The following CYTH3 variants were observed in gnomAD, a reference collection of about 807,000 sequenced individuals.
CYTH3 encodes cytohesin 3.
CYTH3 carries 23 observed loss-of-function variants against 55.1 expected under a neutral mutation model. The observed-to-expected ratio is 0.42, with a 90% confidence interval of 0.30 to 0.59. The LOEUF (loss-of-function observed/expected upper bound fraction) is 0.59, where lower values mean the gene tolerates loss of function less well. Ranked by LOEUF, CYTH3 falls within the 20% of genes least tolerant of loss-of-function variation. The probability of loss-of-function intolerance (pLI) is 0.20; values close to 1 mark genes in which losing one functional copy is unlikely to be tolerated. For synonymous variants in CYTH3, 249 were observed against 194.9 expected (o/e 1.28, Z -2.31); for missense variants, 413 against 524.8 (o/e 0.79, Z 2.08).
chr7:6,165,524 G>A, intron 11 of CYTH3, 21 bp downstream of exon 11: 1 of 1,612,462 alleles, frequency 6.2e-7, no homozygotes, highest in Non-Finnish European at 8.5e-7. Context: ...CAGGAGAGAA[G>A]GTTCAGGAGG....
At chr7:6,186,446 A>C (rs1317855725) in intron 4 of CYTH3, among the ~76,000 whole-genome samples, 1 of 152,128 alleles carries the variant, frequency 6.6e-6, no homozygotes, top group African/African-American at 2.4e-5. Context: ...GGTCTCAAAA[A>C]CAAGCAGCTA....
intron 1 of CYTH3, among the ~76,000 whole-genome samples, chr7:6,228,796 TTAAA>T (rs574453928): frequency 5.9e-5 from 9 of 152,322 alleles, no homozygotes; most frequent in African/African-American, 2.2e-4. Context: ...CCGCCCCTTT[TTAAA>T]TAGATTTCTT....
chr7:6,228,069 C>T (rs527955543), intron 1 of CYTH3, among the ~76,000 whole-genome samples: 1 of 152,298 alleles, frequency 6.6e-6, no homozygotes, highest in African/African-American at 2.4e-5. Flanking sequence ...GAAGCTTTCC[C>T]TTATTTTATG....
intron 1 of CYTH3, among the ~76,000 whole-genome samples, chr7:6,235,252 C>A (rs1185392316): frequency 6.6e-6 from 1 of 152,104 alleles, no homozygotes; most frequent in African/African-American, 2.4e-5. Context: ...AAGGCGAGCA[C>A]ATCATTTGAG....
At chr7:6,197,285 G>A (rs769762378) in intron 1 of CYTH3, among the ~76,000 whole-genome samples, 2 of 152,164 alleles carry the variant, frequency 1.3e-5, no homozygotes, top group South Asian at 2.1e-4. Flanking sequence ...GTGGGACAAA[G>A]ACATGGTGGC....
chr7:6,266,745 C>G (rs1255176320), intron 1 of CYTH3, among the ~76,000 whole-genome samples: 1 of 152,246 alleles, frequency 6.6e-6, no homozygotes, highest in Admixed American at 6.5e-5. Flanking sequence ...CACACTTTCT[C>G]TTCCTCAACC....
At chr7:6,221,587 A>G (rs1265396236) in intron 1 of CYTH3, among the ~76,000 whole-genome samples, 1 of 152,184 alleles carries the variant, frequency 6.6e-6, no homozygotes, top group Non-Finnish European at 1.5e-5. Context: ...TTGATACTGT[A>G]TTGCAGTTAC....
At chr7:6,184,344 G>A (rs1783585284) in intron 4 of CYTH3, among the ~76,000 whole-genome samples, 2 of 150,324 alleles carry the variant, frequency 1.3e-5, no homozygotes, top group Admixed American at 6.6e-5. Context: ...ACAGGCGTGA[G>A]CCACCGCGCC....
At chr7:6,243,022 G>T (rs1205022718) in intron 1 of CYTH3, among the ~76,000 whole-genome samples, 1 of 152,178 alleles carries the variant, frequency 6.6e-6, no homozygotes, top group Non-Finnish European at 1.5e-5. Context: ...TCTCTAGGAG[G>T]TAAAACTTGT....
chr7:6,163,588 T>A lies in CYTH3; in HGVS notation c.*1356A>T, dbSNP rs1195634784. 6.6e-6 allele frequency: 1 copy of A among 152,306 alleles called. No individual in the cohort carries two copies. The highest frequency in any genetic ancestry group is 1.9e-4 in the East Asian group (1 of 5,186). 9.4% of individuals were successfully genotyped at this position (152,306 alleles called of 1,614,324 possible). Reference sequence around the variant, plus strand: ...ATCCAGCCTTCCTTGAGCGGAGCACTGGGCACCTCCTATCCTTACATCCAC... The same window carrying A: ...ATCCAGCCTTCCTTGAGCGGAGCACAGGGCACCTCCTATCCTTACATCCAC... On this transcript the variant is annotated 3_prime_UTR_variant, in exon 13 of 13. Coordinates refer to ENST00000350796, the MANE Select transcript of CYTH3 (RefSeq NM_004227.4).
At chr7:6,179,498 GA>G (rs1211680504) in intron 4 of CYTH3, among the ~76,000 whole-genome samples, 2 of 151,854 alleles carry the variant, frequency 1.3e-5, no homozygotes, top group African/African-American at 4.8e-5. Context: ...TTATTCTCCA[GA>G]AAAATCAGTG....
intron 1 of CYTH3, 116 bp from the exon 2 acceptor site, chr7:6,190,647 A>C: frequency 1.3e-6 from 1 of 765,806 alleles, no homozygotes; most frequent in Non-Finnish European, 2.0e-6. Flanking sequence ...TTTATCCTAA[A>C]GAAATGCTCC....
intron 9 of CYTH3, among the ~76,000 whole-genome samples, chr7:6,168,332 A>AGG (rs1783071477): frequency 6.6e-6 from 1 of 150,954 alleles, no homozygotes; most frequent in Non-Finnish European, 1.5e-5. Context: ...CTGGCAAAGC[A>AGG]TCCAGGCCTT....
At chr7:6,200,644 A>C (rs1300407951) in intron 1 of CYTH3, among the ~76,000 whole-genome samples, 5 of 152,240 alleles carry the variant, frequency 3.3e-5, no homozygotes, top group Non-Finnish European at 7.3e-5. Context: ...CTGGCAAAGC[A>C]TGGGCTTTGA....
Position 6,206,122 on chromosome 7 carries a change from A to G in CYTH3, c.35-15591T>C, listed in dbSNP as rs1306244409. ...ATTCCACTCTAGTTATATACCCCAA[A>G]AAGTAAAAACATATGTCCACACAAA... is the stretch of plus-strand genomic sequence containing the variant. On this transcript the variant is annotated intron_variant, in intron 1 of 12. Transcript: ENST00000350796. 2.6e-5 allele frequency among the ~76,000 whole-genome samples: 4 copies of G among 152,302 alleles called. No individual in the cohort carries two copies. In the East Asian group the frequency reaches 5.8e-4, roughly 22 times the overall value.
At chr7:6,224,719 A>G (rs1445622065) in intron 1 of CYTH3, among the ~76,000 whole-genome samples, 1 of 152,234 alleles carries the variant, frequency 6.6e-6, no homozygotes, top group African/African-American at 2.4e-5. Context: ...ATATACCCAA[A>G]GAGCTGAAAA....
At chr7:6,228,235 A>G (rs764438976) in intron 1 of CYTH3, among the ~76,000 whole-genome samples, 3 of 143,872 alleles carry the variant, frequency 2.1e-5, no homozygotes, top group Non-Finnish European at 3.1e-5. Context: ...GAATGATCAT[A>G]TAAGTACAGC....
intron 1 of CYTH3, among the ~76,000 whole-genome samples, chr7:6,208,114 T>TGTAG (rs1177666198): frequency 2.6e-5 from 4 of 152,252 alleles, no homozygotes; most frequent in African/African-American, 9.6e-5. Context: ...TAAGATCAAG[T>TGTAG]GTAGGTATAC....
In CYTH3 at chr7:6,165,240, C is replaced by T. The variant is rs559043546; in HGVS notation, c.1127+33G>A. 9.5e-5 allele frequency: 151 copies of T among 1,589,308 alleles called. 1 individual carries two copies. Among genetic ancestry groups the T allele is most frequent in the South Asian group, 9.0e-4 (79 of 87,702 alleles). On this transcript the variant is annotated intron_variant, in intron 12 of 12. Transcript: ENST00000350796. Reference sequence around the variant, plus strand: ...CCGCCCTCCAACCGGCACGAGAAGACGGGCCTGGCCCCGCCCCCGAGGCCC... The same window carrying T: ...CCGCCCTCCAACCGGCACGAGAAGATGGGCCTGGCCCCGCCCCCGAGGCCC...
Sources: allele counts gnomAD v4.1 joint callset (sites outside exome capture counted in the v4.1 genomes callset), GRCh38; gene constraint gnomAD v4.1.1; transcripts MANE v1.5; gene names NCBI Gene and HGNC (gene_info 2026-07-23, HGNC 2026-07-21).